Variants in EFHC1 observed in about 807,000 individuals in gnomAD.
The protein encoded by EFHC1 is EF-hand domain containing 1, also known as EF-hand domain-containing protein 1.
EFHC1 carries 53 observed loss-of-function variants against 69.9 expected under a neutral mutation model. The observed-to-expected ratio is 0.76, with a 90% CI of 0.61 to 0.95. EFHC1 has a LOEUF of 0.95. EFHC1 is among the 40% of genes least tolerant of loss of function. The pLI is 0.00. For synonymous variants in EFHC1, 256 were observed against 278.4 expected (o/e 0.92, Z 0.80); for missense variants, 739 against 798.7 (o/e 0.93, Z 0.90).
intron 2 of EFHC1, among the ~76,000 whole-genome samples, chr6:52,432,092 T>A (rs370988584): frequency 1.3e-5 from 2 of 152,174 alleles, no homozygotes; most frequent in South Asian, 4.1e-4. Context: ...TGAGTCCTTA[T>A]GTATTAGGTG....
intron 7 of EFHC1, among the ~76,000 whole-genome samples, chr6:52,472,179 A>T (rs777196318): frequency 3.8e-4 from 57 of 149,672 alleles, no homozygotes; most frequent in Middle Eastern, 3.4e-3. Flanking sequence ...AACTTTTAAT[A>T]AAAAAAAAGA....
chr6:52,479,912 T>C lies in EFHC1; in HGVS notation c.1640+125T>C, dbSNP rs890165260. ...CTCACCAGGTGGGAATTATTAGATA[T>C]AAACAGAAGGTTCCCTGTGTCAATG... is the stretch of plus-strand genomic sequence containing the variant. On this transcript the variant is annotated intron_variant, in intron 9 of 10. Coordinates refer to ENST00000371068, the MANE Select transcript of EFHC1 (RefSeq NM_018100.4). The C allele has an allele frequency of 4.2e-6, 6 of 1,441,732 alleles. No individual in the cohort carries two copies. The Admixed American group carries it at 9.9e-5, about 24-fold the overall frequency. The allele number at this position is 1,441,732 out of a possible 1,614,324, so 89.3% of individuals were successfully genotyped here. A position where few individuals can be genotyped will look rare whatever the true frequency, so the allele number is the denominator to read the frequency against.
chr6:52,444,750 C>CT (rs1252611559), intron 3 of EFHC1, among the ~76,000 whole-genome samples: 1 of 152,052 alleles, frequency 6.6e-6, no homozygotes, highest in African/African-American at 2.4e-5. Context: ...CTAAAATTCT[C>CT]TTTTTTTGTT....
intron 9 of EFHC1, chr6:52,482,475 T>C: frequency 4.1e-6 from 1 of 244,406 alleles, no homozygotes; most frequent in East Asian, 7.8e-5. Context: ...ATAATTAAAG[T>C]GTTTTATTTC....
At chr6:52,486,858 G>A (rs951246130) in intron 9 of EFHC1, 1 of 151,896 alleles carries the variant, frequency 6.6e-6, no homozygotes, top group Non-Finnish European at 1.5e-5. Context: ...TTTCTTGAAG[G>A]TCATTGGTTG....
intron 7 of EFHC1, among the ~76,000 whole-genome samples, chr6:52,474,281 A>G (rs1231413314): frequency 6.6e-6 from 1 of 152,188 alleles, no homozygotes; most frequent in Non-Finnish European, 1.5e-5. Flanking sequence ...CTGCCACTGC[A>G]CTCCAACCTG....
Position 52,494,304 on chromosome 6 carries a change from C to G in EFHC1, c.*1963C>G, listed in dbSNP as rs1027109792. ...AAGCTCTATCCTACTTGGCCCAGCT[C>G]AGTCCTTCCCCCAGGCTTAGAAGCC... On this transcript the variant is annotated 3_prime_UTR_variant, in exon 11 of 11. Coordinates refer to ENST00000371068, the MANE Select transcript of EFHC1 (RefSeq NM_018100.4). 1 of 454,132 alleles carries G rather than the reference C, an allele frequency of 2.2e-6. No individual in the cohort carries two copies. Among genetic ancestry groups the G allele is most frequent in the East Asian group, 6.9e-5 (1 of 14,394 alleles). The allele number at this position is 454,132 out of a possible 1,614,324, so 28.1% of individuals were successfully genotyped here.
chr6:52,449,590 T>G (rs1764871150), intron 3 of EFHC1, among the ~76,000 whole-genome samples: 1 of 152,212 alleles, frequency 6.6e-6, no homozygotes, highest in Non-Finnish European at 1.5e-5. Flanking sequence ...CCATCTCTTC[T>G]AGGTTTTCTA....
chr6:52,434,159 G>T (rs771125174), intron 2 of EFHC1, among the ~76,000 whole-genome samples: 1 of 152,136 alleles, frequency 6.6e-6, no homozygotes, highest in Non-Finnish European at 1.5e-5. Context: ...TGTGGAATCT[G>T]TACACTGGAT....
chr6:52,448,747 G>C (rs1005722750), intron 3 of EFHC1, among the ~76,000 whole-genome samples: 3 of 152,284 alleles, frequency 2.0e-5, no homozygotes, highest in African/African-American at 7.2e-5. Context: ...TTTACCCAAA[G>C]TCTTTTATAT....
intron 2 of EFHC1, among the ~76,000 whole-genome samples, chr6:52,437,063 G>A (rs1055227406): frequency 1.3e-5 from 2 of 152,196 alleles, no homozygotes; most frequent in Non-Finnish European, 2.9e-5. Flanking sequence ...CTGAGCACAA[G>A]GAGGGTATTT....
Position 52,495,977 on chromosome 6 carries a change from C to A in EFHC1, c.*3636C>A. On this transcript the variant is annotated 3_prime_UTR_variant, in exon 11 of 11. Transcript: ENST00000371068. ...AAGCAGCAAGTATAGGAGCCACAAA[C>A]GTCAGAGCAAATCACTTTTTCTACT... 1 of 218,480 alleles carries A rather than the reference C, an allele frequency of 4.6e-6. No homozygotes were observed. The highest frequency in any genetic ancestry group is 2.3e-5 in the African/African-American group (1 of 43,662). The allele number at this position is 218,480 out of a possible 1,614,324, so 13.5% of individuals were successfully genotyped here.
At chr6:52,484,006 G>C (rs1354815857) in intron 9 of EFHC1, 1 of 152,272 alleles carries the variant, frequency 6.6e-6, no homozygotes, top group Non-Finnish European at 1.5e-5. Flanking sequence ...AGAAAGTGAA[G>C]TCAGGAGAAG....
Position 52,455,450 on chromosome 6 carries a change from C to T in EFHC1, c.916+1163C>T, listed in dbSNP as rs150050190. On this transcript the variant is annotated intron_variant, in intron 5 of 10. Coordinates refer to ENST00000371068, the MANE Select transcript of EFHC1 (RefSeq NM_018100.4). ...CAGGTGGATCATGAAGTCAGGAGAT[C>T]GAGACCATTCTAGCTAACATGGTGA... Among the ~76,000 whole-genome samples the T allele has an allele frequency of 3.6e-3, 545 of 152,080 alleles. 4 individuals are homozygous for T. The highest frequency in any genetic ancestry group is 0.012 in the African/African-American group (509 of 41,496).
chr6:52,488,397 GA>G (rs1377994344), intron 9 of EFHC1: 1 of 152,098 alleles, frequency 6.6e-6, no homozygotes, highest in African/African-American at 2.4e-5. Context: ...ACCAGAATTT[GA>G]AAATTTAGGG....
rs780339787 is a variant in EFHC1, at chr6:52,454,201, A to G, written c.830A>G (p.Glu277Gly). The stretch of plus-strand genomic sequence containing the variant: ...ATGGATGATACGGTGGAAATTCGAG[A>G]GGTCCACGAACGGAATGATGGGAGA... ...YLMDDTVEIR[E>G]VHERNDGRDP... Residue 277 changes from glutamate (E) to glycine (G), a missense_variant, in exon 5 of 11, where the codon GAG becomes GGG. Coordinates refer to ENST00000371068, the MANE Select transcript of EFHC1 (RefSeq NM_018100.4). 6.2e-7 allele frequency: 1 copy of G among 1,614,194 alleles called. No homozygotes were observed. Among genetic ancestry groups the G allele is most frequent in the Non-Finnish European group, 8.5e-7 (1 of 1,180,024 alleles).
intron 1 of EFHC1, 137 bp downstream of exon 1, chr6:52,420,610 C>A: frequency 9.1e-7 from 1 of 1,101,280 alleles, no homozygotes; most frequent in Non-Finnish European, 1.3e-6. Context: ...TGACCCTGTT[C>A]TTTATTCTGG....
intron 7 of EFHC1, among the ~76,000 whole-genome samples, chr6:52,473,018 G>A (rs572664385): frequency 6.6e-6 from 1 of 152,206 alleles, no homozygotes; most frequent in Middle Eastern, 3.4e-3. Flanking sequence ...ATCCAAAAAT[G>A]TTTTTATTTT....
intron 2 of EFHC1, among the ~76,000 whole-genome samples, chr6:52,426,686 T>C (rs1041660868): frequency 1.3e-5 from 2 of 152,212 alleles, no homozygotes; most frequent in African/African-American, 4.8e-5. Flanking sequence ...CCTTTTCCCA[T>C]AGATCTGCTT....
Sources: gnomAD v4.1 joint callset for allele counts (sites outside exome capture counted in the v4.1 genomes callset) on GRCh38, gnomAD v4.1.1 for gene constraint, MANE v1.5 for transcripts, NCBI Gene and HGNC (gene_info 2026-07-23, HGNC 2026-07-21) for gene names.